SLC38A8: variants seen among roughly 807,000 people sequenced by gnomAD.
The protein encoded by SLC38A8 is amino acid transporter SLC38A8.
Under a neutral mutation model 46.0 loss-of-function variants are expected in SLC38A8, and 65 were observed. The observed-to-expected ratio is 1.41, with a 90% CI of 1.16 to 1.74. SLC38A8 has a LOEUF of 1.74. SLC38A8 is among the 40% of genes most tolerant of loss of function. The pLI is 0.00. For missense variants in SLC38A8, 998 were observed against 567.9 expected, an observed-to-expected ratio of 1.76 and a Z score of -7.70; for synonymous variants, 447 against 243.7, an observed-to-expected ratio of 1.83 and a Z score of -7.77.
rs376979216 is a variant in SLC38A8 at position 84,029,397 on chromosome 16, G to C, written c.690+97C>G. 5.4e-6 allele frequency: 7 copies of C among 1,286,452 alleles called. No homozygotes were observed. In the East Asian group the frequency reaches 1.5e-4, roughly 27 times the overall value. The allele number at this position is 1,286,452 out of a possible 1,614,324, so 79.7% of individuals were successfully genotyped here. On this transcript the variant is annotated intron_variant, in intron 6 of 10. Coordinates refer to ENST00000299709, the MANE Select transcript of SLC38A8 (RefSeq NM_001080442.3). ...TGTATCCTAGGAGAAGTCCTCAGAC[G>C]CCTCCCTGACAGAGAAACCAAGGTT...
At chr16:84,032,185 TTTGTTG>T (rs3082418) in intron 4 of SLC38A8, among the ~76,000 whole-genome samples, 8 of 137,198 alleles carry the variant, frequency 5.8e-5, no homozygotes, top group East Asian at 5.5e-4. Context: ...TTGTTGTTGT[TTTGTTG>T]TTGTTGTTGT....
chr16:84,037,319 C>T (rs1048193430), intron 2 of SLC38A8, among the ~76,000 whole-genome samples: 1 of 152,238 alleles, frequency 6.6e-6, no homozygotes, highest in African/African-American at 2.4e-5. Context: ...CACTGCTCAC[C>T]TGCTGTGTGG....
chr16:84,018,981 G>C (rs746160145), intron 7 of SLC38A8, among the ~76,000 whole-genome samples: 31 of 152,106 alleles, frequency 2.0e-4, no homozygotes, highest in Non-Finnish European at 4.1e-4. Context: ...TCTCACCCTG[G>C]TATGGGGAGG....
intron 9 of SLC38A8, 136 bp downstream of exon 9, chr16:84,016,383 G>A (rs1331573826): frequency 1.7e-5 from 16 of 930,126 alleles, no homozygotes; most frequent in South Asian, 3.5e-5. Flanking sequence ...AATAAAAAGG[G>A]CACCTACATG....
At chr16:84,022,953 A>T in intron 6 of SLC38A8, 64 bp from the exon 7 acceptor site, 3 of 1,214,410 alleles carry the variant, frequency 2.5e-6, no homozygotes, top group South Asian at 3.1e-5. Flanking sequence ...TGCGAAAAAA[A>T]ACTCATATCC....
At position 84,013,729 on chromosome 16, in the gene SLC38A8, CTTT is replaced by C. The variant is rs11352373; in HGVS notation, c.1163-680_1163-678del. 3.9e-4 allele frequency among the ~76,000 whole-genome samples: 54 copies of C among 138,718 alleles called. 1 individual carries two copies. The highest frequency in any genetic ancestry group is 5.8e-4 in the Non-Finnish European group (37 of 64,298). 91.0% of individuals were successfully genotyped at this position (138,718 alleles called of 152,430 possible). A position where few individuals can be genotyped will look rare whatever the true frequency, so the allele number is the denominator to read the frequency against. On this transcript the variant is annotated intron_variant, in intron 9 of 10. Coordinates refer to ENST00000299709, the MANE Select transcript of SLC38A8 (RefSeq NM_001080442.3). ...CAGGCATGAGCCACTGCACCCAGCC[CTTT>C]TTTTTTTTTTTTTTAAATAGTTCTG...
chr16:84,037,770 A>AGG (rs36155963), intron 2 of SLC38A8, among the ~76,000 whole-genome samples: 1 of 142,624 alleles, frequency 7.0e-6, no homozygotes, highest in African/African-American at 2.6e-5. Flanking sequence ...GAAAAAAAAA[A>AGG]AAGAGAAAAG....
intron 7 of SLC38A8, among the ~76,000 whole-genome samples, chr16:84,021,195 T>C (rs759595783): frequency 3.7e-4 from 56 of 152,292 alleles, no homozygotes; most frequent in Non-Finnish European, 6.5e-4. Flanking sequence ...CCCAAGCAGC[T>C]GGGATTACAG....
chr16:84,033,735 C>G (rs1597274421), intron 3 of SLC38A8, among the ~76,000 whole-genome samples: 1 of 152,192 alleles, frequency 6.6e-6, no homozygotes, highest in African/African-American at 2.4e-5. Context: ...AGGCGATGAC[C>G]AGACAAGCCA....
chr16:84,020,979 G>T (rs1473102447), intron 7 of SLC38A8, among the ~76,000 whole-genome samples: 1 of 152,138 alleles, frequency 6.6e-6, no homozygotes, highest in African/African-American at 2.4e-5. Flanking sequence ...AGCATAACGT[G>T]AGCAGCTAAG....
At chr16:84,026,590 G>C (rs1246517820) in intron 6 of SLC38A8, among the ~76,000 whole-genome samples, 1 of 152,320 alleles carries the variant, frequency 6.6e-6, no homozygotes, top group East Asian at 1.9e-4. Flanking sequence ...CCAGGAGGTG[G>C]TGGCAGTGGG....
rs745345743 is a variant in SLC38A8 at position 84,041,919 on chromosome 16, G to C, written c.189+50C>G. On this transcript the variant is annotated intron_variant, in intron 2 of 10. Coordinates refer to ENST00000299709, the MANE Select transcript of SLC38A8 (RefSeq NM_001080442.3). ...AATGCGAGGAACCCCACCCAGAAAA[G>C]CCAAAGCCACCTCGTACCCGTCCCC... 4.7e-6 allele frequency: 7 copies of C among 1,504,364 alleles called. No individual in the cohort carries two copies. The East Asian group carries it at 1.4e-4, about 30-fold the overall frequency. The allele number at this position is 1,504,364 out of a possible 1,614,324, so 93.2% of individuals were successfully genotyped here.
chr16:84,036,539 G>T (rs947433139), intron 3 of SLC38A8, among the ~76,000 whole-genome samples, 163 bp downstream of exon 3: 1 of 152,226 alleles, frequency 6.6e-6, no homozygotes, highest in Admixed American at 6.5e-5. Context: ...CTATCCATTC[G>T]GAGCCTCCCT....
intron 7 of SLC38A8, among the ~76,000 whole-genome samples, chr16:84,017,756 C>T (rs897454287): frequency 1.5e-4 from 23 of 152,134 alleles, no homozygotes; most frequent in Non-Finnish European, 5.9e-5. Context: ...AGCGCCATTC[C>T]CTTTGCGCCA....
At chr16:84,042,383 G>A (rs2085377955) in intron 1 of SLC38A8, among the ~76,000 whole-genome samples, 168 bp downstream of exon 1, 1 of 151,430 alleles carries the variant, frequency 6.6e-6, no homozygotes, top group Non-Finnish European at 1.5e-5. Flanking sequence ...TCTCACTCCT[G>A]CCCTCCCACT....
In SLC38A8 at chr16:84,038,422, C is replaced by T. The variant is rs186369681; in HGVS notation, c.190-1522G>A. On this transcript the variant is annotated intron_variant, in intron 2 of 10. Coordinates refer to ENST00000299709, the MANE Select transcript of SLC38A8 (RefSeq NM_001080442.3). The stretch of plus-strand genomic sequence containing the variant: ...CAGGTTGCTATACTTGCTTTGACTC[C>T]TCTACCCTTCCACCCATGCCTCTGT... 1.6e-3 allele frequency among the ~76,000 whole-genome samples: 243 copies of T among 152,310 alleles called. 1 individual carries two copies. Among genetic ancestry groups the T allele is most frequent in the Non-Finnish European group, 2.9e-3 (200 of 68,032 alleles).
At chr16:84,032,012 T>C in intron 4 of SLC38A8, 44 bp from the exon 5 acceptor site, 1 of 1,517,152 alleles carries the variant, frequency 6.6e-7, no homozygotes, top group Non-Finnish European at 9.1e-7. Context: ...GGGTGACATG[T>C]GCGGTTGATG....
chr16:84,037,829 G>C (rs1177981476), intron 2 of SLC38A8, among the ~76,000 whole-genome samples: 1 of 44,408 alleles, frequency 2.3e-5, no homozygotes, highest in Non-Finnish European at 3.6e-5. Flanking sequence ...TTTTTTTGGA[G>C]ACGGAGTCTA....
rs960288755 is a variant in SLC38A8 at position 84,009,800 on chromosome 16, A to C, written c.1292T>G (p.Val431Gly). ...FIFGQSTAAA[V>G]WEMF ...AGCTGCCCATCAGAACATCTCCCAG[A>C]CCGCTGCCGCCGTGCTCTGCCCAAA... The change falls in exon 11 of 11, where the codon GTC (valine) becomes GGC (glycine). Residue 431 changes from valine to glycine, a missense_variant. Transcript: ENST00000299709. 6.2e-7 allele frequency: 1 copy of C among 1,613,916 alleles called. No individual in the cohort carries two copies. The highest frequency in any genetic ancestry group is 8.5e-7 in the Non-Finnish European group (1 of 1,179,892).
Sources: allele counts gnomAD v4.1 joint callset (sites outside exome capture counted in the v4.1 genomes callset), GRCh38; gene constraint gnomAD v4.1.1; transcripts MANE v1.5; gene names NCBI Gene and HGNC (gene_info 2026-07-23, HGNC 2026-07-21).